Variants in RIT2 observed in about 807,000 individuals in gnomAD.
The protein encoded by RIT2 is GTP-binding protein Rit2.
RIT2 carries 24 observed loss-of-function variants against 23.7 expected under a neutral mutation model. The ratio of observed to expected loss-of-function variants is 1.01; its 90% CI spans 0.73 to 1.43. The LOEUF is 1.43. Ranked by LOEUF, RIT2 falls within the 40% of genes most tolerant of loss-of-function variation. The probability of loss-of-function intolerance (pLI) is 0.00; values close to 1 mark genes in which losing one functional copy is unlikely to be tolerated. For synonymous variants in RIT2, 107 were observed against 91.1 expected (o/e 1.17, Z -0.99); for missense variants, 236 against 266.9 (o/e 0.88, Z 0.81).
At chr18:42,819,295 C>G (rs1057251431) in intron 4 of RIT2, among the ~76,000 whole-genome samples, 3 of 152,020 alleles carry the variant, frequency 2.0e-5, no homozygotes, top group Admixed American at 6.6e-5. Flanking sequence ...TATCCTAACA[C>G]TTAATGCTGA....
intron 1 of RIT2, among the ~76,000 whole-genome samples, chr18:43,095,126 G>A (rs1475790187): frequency 1.3e-5 from 2 of 152,028 alleles, no homozygotes; most frequent in East Asian, 3.9e-4. Context: ...AGATCCTTGA[G>A]GAATAGCCAC....
intron 4 of RIT2, among the ~76,000 whole-genome samples, chr18:42,777,917 C>G (rs1172820540): frequency 6.6e-6 from 1 of 152,184 alleles, no homozygotes; most frequent in African/African-American, 2.4e-5. Context: ...AAACATACTT[C>G]ATAAAATGAT....
intron 4 of RIT2, among the ~76,000 whole-genome samples, chr18:42,745,078 T>C (rs1912887045): frequency 6.6e-6 from 1 of 152,138 alleles, no homozygotes; most frequent in African/African-American, 2.4e-5. Flanking sequence ...TGAATAAGTA[T>C]TAACTAAAAT....
intron 4 of RIT2, among the ~76,000 whole-genome samples, chr18:42,843,903 A>G (rs1029633825): frequency 1.3e-5 from 2 of 152,260 alleles, no homozygotes; most frequent in African/African-American, 4.8e-5. Context: ...AAGACAAAAA[A>G]TAAAAACATT....
chr18:42,835,901 C>T (rs546769577), intron 4 of RIT2, among the ~76,000 whole-genome samples: 31 of 152,114 alleles, frequency 2.0e-4, no homozygotes, highest in African/African-American at 7.2e-4. Context: ...AATTGTTTAT[C>T]TCATTATCAA....
chr18:42,863,719 T>C (rs1240155608), intron 4 of RIT2, among the ~76,000 whole-genome samples: 1 of 152,188 alleles, frequency 6.6e-6, no homozygotes, highest in African/African-American at 2.4e-5. Context: ...CTCAGCCCTG[T>C]TTCCACTAGT....
At chr18:43,085,611 G>A (rs1419986630) in intron 1 of RIT2, among the ~76,000 whole-genome samples, 1 of 151,950 alleles carries the variant, frequency 6.6e-6, no homozygotes, top group Non-Finnish European at 1.5e-5. Flanking sequence ...TTCTGTGTTT[G>A]GCTTATTTAA....
intron 4 of RIT2, among the ~76,000 whole-genome samples, chr18:42,854,157 G>T (rs1364077443): frequency 2.0e-5 from 3 of 152,062 alleles, no homozygotes; most frequent in African/African-American, 7.2e-5. Context: ...ACGCTACTTT[G>T]GTTCCCCACA....
Position 42,895,169 on chromosome 18 carries a change from C to T in RIT2, c.426+28403G>A, listed in dbSNP as rs573351591. Among the ~76,000 whole-genome samples the T allele has an allele frequency of 7.2e-5, 11 of 152,048 alleles. No individual in the cohort carries two copies. The South Asian group carries it at 2.3e-3, about 32-fold the overall frequency. On this transcript the variant is annotated intron_variant, in intron 4 of 4. Coordinates refer to ENST00000326695, the MANE Select transcript of RIT2 (RefSeq NM_002930.4). ...GAAACTCCTTTCAAAACATTTTATC[C>T]TAGTAGTCTTTGTTTTTTTTTCTAG... is the stretch of plus-strand genomic sequence containing the variant.
At chr18:42,865,825 A>G (rs1208789187) in intron 4 of RIT2, among the ~76,000 whole-genome samples, 2 of 152,154 alleles carry the variant, frequency 1.3e-5, no homozygotes, top group South Asian at 4.1e-4. Flanking sequence ...ATATATTCCC[A>G]GCCCCATGCA....
At chr18:43,065,841 AGG>A (rs1912759517) in intron 1 of RIT2, among the ~76,000 whole-genome samples, 1 of 152,214 alleles carries the variant, frequency 6.6e-6, no homozygotes, top group African/African-American at 2.4e-5. Context: ...TAGAAGTGGT[AGG>A]TGGAAAACTT....
chr18:43,078,150 G>A (rs1251409393), intron 1 of RIT2, among the ~76,000 whole-genome samples: 7 of 152,136 alleles, frequency 4.6e-5, no homozygotes, highest in African/African-American at 1.7e-4. Context: ...ATTACTGTGA[G>A]TAATGACATT....
chr18:42,844,769 A>C (rs1906862663), intron 4 of RIT2, among the ~76,000 whole-genome samples: 1 of 152,122 alleles, frequency 6.6e-6, no homozygotes, highest in African/African-American at 2.4e-5. Flanking sequence ...CAGGAATAGA[A>C]GTTCTCACTT....
In RIT2 at chr18:42,984,054, T is replaced by C. The variant is rs575444748; in HGVS notation, c.161-9907A>G. 7.9e-5 allele frequency among the ~76,000 whole-genome samples: 12 copies of C among 152,210 alleles called. No individual in the cohort carries two copies. In the East Asian group the frequency reaches 2.3e-3, roughly 29 times the overall value. On this transcript the variant is annotated intron_variant, in intron 2 of 4. Transcript: ENST00000326695. ...CAAGTGCACTCCTGAGCATTTATTT[T>C]AGAGAAATAAAGACATGTTCACACA...
intron 4 of RIT2, among the ~76,000 whole-genome samples, chr18:42,764,252 A>T (rs769246712): frequency 3.3e-5 from 5 of 152,342 alleles, no homozygotes; most frequent in Non-Finnish European, 5.9e-5. Context: ...AGTAAGATCA[A>T]TGGAGAGGTC....
intron 4 of RIT2, among the ~76,000 whole-genome samples, chr18:42,831,333 G>A (rs1033186586): frequency 6.6e-6 from 1 of 152,214 alleles, no homozygotes; most frequent in Non-Finnish European, 1.5e-5. Context: ...CAGAGGAAGA[G>A]TAATTTGAAG....
chr18:42,863,293 T>C (rs776665435), intron 4 of RIT2, among the ~76,000 whole-genome samples: 2 of 152,184 alleles, frequency 1.3e-5, no homozygotes, highest in Non-Finnish European at 2.9e-5. Flanking sequence ...TTCAAGGGTA[T>C]GTAGGTGTGT....
At chr18:42,888,088 C>T (rs8088192) in intron 4 of RIT2, among the ~76,000 whole-genome samples, 16,167 of 151,788 alleles carry the variant, frequency 0.11, 969 homozygotes, top group Middle Eastern at 0.24. Context: ...ATTATGCCAC[C>T]ATGGATTTGT....
At chr18:43,009,705 A>T (rs1056144833) in intron 2 of RIT2, among the ~76,000 whole-genome samples, 2 of 151,708 alleles carry the variant, frequency 1.3e-5, no homozygotes, top group African/African-American at 4.8e-5. Context: ...GTTTAATTCT[A>T]AAACATGTTC....
Sources: allele counts gnomAD v4.1 joint callset (sites outside exome capture counted in the v4.1 genomes callset), GRCh38; gene constraint gnomAD v4.1.1; transcripts MANE v1.5; gene names NCBI Gene and HGNC (gene_info 2026-07-23, HGNC 2026-07-21).